DLGAP2: variants seen among roughly 807,000 people sequenced by gnomAD.
The protein encoded by DLGAP2 is disks large-associated protein 2.
DLGAP2 carries 26 observed loss-of-function variants against 100.3 expected under a neutral mutation model. The ratio of observed to expected loss-of-function variants is 0.26; its 90% CI spans 0.19 to 0.36. DLGAP2 has a LOEUF of 0.36. Among genes scored for constraint, DLGAP2 ranks in the 10% least tolerant of loss-of-function variants. DLGAP2 has a pLI of 1.00. For missense variants in DLGAP2, 1,858 were observed against 1,453.2 expected, an observed-to-expected ratio of 1.28 and a Z score of -4.53; for synonymous variants, 886 against 630.1, an observed-to-expected ratio of 1.41 and a Z score of -6.08.
intron 2 of DLGAP2, among the ~76,000 whole-genome samples, chr8:1,219,801 C>G (rs971229068): frequency 6.6e-6 from 1 of 152,004 alleles, no homozygotes; most frequent in African/African-American, 2.4e-5. Context: ...CATTATTGGT[C>G]TGTTCAGGAT....
At chr8:1,456,378 T>C (rs1016501163) in intron 3 of DLGAP2, among the ~76,000 whole-genome samples, 1 of 152,178 alleles carries the variant, frequency 6.6e-6, no homozygotes, top group African/African-American at 2.4e-5. Context: ...TCCTGACTAA[T>C]GGTGCCGTGT....
intron 1 of DLGAP2, among the ~76,000 whole-genome samples, chr8:782,468 A>T (rs541183617): frequency 2.0e-5 from 3 of 152,320 alleles, no homozygotes; most frequent in South Asian, 2.1e-4. Flanking sequence ...ATGCCATTTC[A>T]TGTGGATCAG....
intron 2 of DLGAP2, among the ~76,000 whole-genome samples, chr8:1,149,745 T>C (rs1302293155): frequency 6.6e-6 from 1 of 152,248 alleles, no homozygotes; most frequent in Non-Finnish European, 1.5e-5. Flanking sequence ...TGTTCTCCCT[T>C]TCTTGCATCC....
chr8:1,044,091 T>C (rs1235791995), intron 2 of DLGAP2, among the ~76,000 whole-genome samples: 1 of 152,120 alleles, frequency 6.6e-6, no homozygotes, highest in African/African-American at 2.4e-5. Flanking sequence ...GTCCCACTCC[T>C]GCTGGATGTG....
intron 8 of DLGAP2, among the ~76,000 whole-genome samples, chr8:1,665,145 C>T (rs1296660931): frequency 2.0e-5 from 3 of 151,922 alleles, no homozygotes; most frequent in African/African-American, 4.8e-5. Flanking sequence ...TCATAAGCTG[C>T]CCCATACATT....
chr8:1,695,120 C>A (rs561245253), intron 13 of DLGAP2, among the ~76,000 whole-genome samples: 2 of 152,326 alleles, frequency 1.3e-5, no homozygotes, highest in South Asian at 2.1e-4. Context: ...CTTCATCCCC[C>A]AGGAGATGTG....
intron 2 of DLGAP2, among the ~76,000 whole-genome samples, chr8:1,097,252 C>A (rs1165930937): frequency 8.4e-6 from 1 of 119,020 alleles, no homozygotes; most frequent in Non-Finnish European, 1.7e-5. Flanking sequence ...TCCCCTCCAG[C>A]GTGAGACCCA....
intron 3 of DLGAP2, among the ~76,000 whole-genome samples, chr8:1,353,384 C>T (rs758893172): frequency 6.6e-6 from 1 of 152,176 alleles, no homozygotes; most frequent in Non-Finnish European, 1.5e-5. Flanking sequence ...CCGCACAACC[C>T]TTCTGATTTT....
intron 1 of DLGAP2, among the ~76,000 whole-genome samples, chr8:856,171 ATCT>A (rs55832882): frequency 4.7e-5 from 6 of 126,594 alleles, no homozygotes; most frequent in African/African-American, 1.1e-4. Flanking sequence ...TAGTGGAAAA[ATCT>A]TCTTCTTCTT....
At chr8:1,212,570 A>G (rs1465898642) in intron 2 of DLGAP2, among the ~76,000 whole-genome samples, 2 of 152,190 alleles carry the variant, frequency 1.3e-5, no homozygotes, top group Non-Finnish European at 2.9e-5. Flanking sequence ...AGAGAGACGT[A>G]TTAACAAACT....
At chr8:911,672 G>A (rs1227936432) in intron 2 of DLGAP2, among the ~76,000 whole-genome samples, 8 of 150,166 alleles carry the variant, frequency 5.3e-5, no homozygotes, top group South Asian at 2.1e-4. Context: ...GGAAGGATGC[G>A]TATATAATGT....
chr8:758,659 T>C (rs1820980881), intron 1 of DLGAP2, among the ~76,000 whole-genome samples: 1 of 152,106 alleles, frequency 6.6e-6, no homozygotes, highest in Non-Finnish European at 1.5e-5. Context: ...CCACCTGGGC[T>C]CAGGTGATTC....
At chr8:1,547,857 C>G (rs1457657319) in intron 4 of DLGAP2, among the ~76,000 whole-genome samples, 1 of 152,236 alleles carries the variant, frequency 6.6e-6, no homozygotes, top group Non-Finnish European at 1.5e-5. Flanking sequence ...CCCATCCTCA[C>G]TGGCCTGTAA....
chr8:1,147,278 A>C (rs1310156691), intron 2 of DLGAP2, among the ~76,000 whole-genome samples: 3 of 151,176 alleles, frequency 2.0e-5, no homozygotes, highest in Admixed American at 6.5e-5. Context: ...ATGCTTTTGT[A>C]AAAATGAAAC....
intron 5 of DLGAP2, among the ~76,000 whole-genome samples, chr8:1,559,766 G>A (rs893414594): frequency 2.6e-5 from 4 of 152,212 alleles, no homozygotes; most frequent in African/African-American, 9.7e-5. Context: ...TTCCCGAACT[G>A]AGCTTTTCAC....
intron 3 of DLGAP2, among the ~76,000 whole-genome samples, chr8:1,279,820 A>C (rs1017479175): frequency 9.2e-5 from 14 of 151,978 alleles, no homozygotes; most frequent in African/African-American, 3.4e-4. Context: ...CACATCACCC[A>C]CTCACGGGAG....
chr8:1,259,022 C>T (rs533197201), intron 3 of DLGAP2, 139 bp downstream of exon 3: 11 of 695,162 alleles, frequency 1.6e-5, no homozygotes, highest in Non-Finnish European at 2.0e-5. Flanking sequence ...TTGATAGGAA[C>T]GTGAGTAAAA....
At chr8:795,718 C>CGTCCAGTAAGAGCAGGT (rs1563437595) in intron 1 of DLGAP2, among the ~76,000 whole-genome samples, 13 of 121,176 alleles carry the variant, frequency 1.1e-4, no homozygotes, top group African/African-American at 4.2e-4. Flanking sequence ...TGAGAGCAGG[C>CGTCCAGTAAGAGCAGGT]GTCCAGTGAG....
chr8:927,590 T>G (rs1798845115), intron 2 of DLGAP2, among the ~76,000 whole-genome samples: 1 of 152,152 alleles, frequency 6.6e-6, no homozygotes, highest in South Asian at 2.1e-4. Flanking sequence ...GACATAATCG[T>G]AACAATTCTG....
Sources: allele counts gnomAD v4.1 joint callset (sites outside exome capture counted in the v4.1 genomes callset), GRCh38; gene constraint gnomAD v4.1.1; transcripts MANE v1.5; gene names NCBI Gene and HGNC (gene_info 2026-07-23, HGNC 2026-07-21).